MYLK: variants seen among roughly 807,000 people sequenced by gnomAD.
MYLK encodes the protein myosin light chain kinase, smooth muscle.
MYLK carries 106 observed loss-of-function variants against 203.4 expected under a neutral mutation model. That is an observed-to-expected ratio of 0.52 (90% CI 0.45 to 0.61). MYLK has a LOEUF of 0.61. MYLK is among the 20% of genes least tolerant of loss of function. The pLI, the probability that MYLK is intolerant of heterozygous loss-of-function variation, is 0.00. For synonymous variants in MYLK, 867 were observed against 959.5 expected, an observed-to-expected ratio of 0.90 and a Z score of 1.78; for missense variants, 2,072 against 2,442.3, an observed-to-expected ratio of 0.85 and a Z score of 3.20.
In MYLK at chr3:123,828,025, A is replaced by G. The variant is rs188930018; in HGVS notation, c.-4+3523T>C. Among the ~76,000 whole-genome samples, 195 of 152,054 alleles carry G rather than the reference A, an allele frequency of 1.3e-3. 1 individual carries two copies. The highest frequency in any genetic ancestry group is 1.9e-3 in the Non-Finnish European group (128 of 67,938). ...GTGGAAACGCATCCTATGCCCATGG[A>G]TCAGAAGAATTAATATTGTTAAAAT... On this transcript the variant is annotated intron_variant, in intron 3 of 33. Coordinates refer to ENST00000360304, the MANE Select transcript of MYLK (RefSeq NM_053025.4).
In MYLK at chr3:123,708,752, C is replaced by G; in HGVS notation, c.2086G>C (p.Glu696Gln). The G allele has an allele frequency of 6.2e-7, 1 of 1,614,180 alleles. No individual in the cohort carries two copies. Among genetic ancestry groups the G allele is most frequent in the Non-Finnish European group, 8.5e-7 (1 of 1,180,042 alleles). Reference protein sequence around the residue: ...FPEDTGTYTCEAWNSAGEVRT... With the variant: ...FPEDTGTYTCQAWNSAGEVRT... ...ACCTCTCCAGCGCTGTTCCAGGCCT[C>G]GCAGGTGTACGTGCCCGTGTCCTCC... The change falls in exon 15 of 34, where the codon GAG (glutamate) becomes CAG (glutamine). Residue 696 changes from glutamate to glutamine, a missense_variant. By Grantham distance (29) the Glu-to-Gln change is conservative (BLOSUM62 2). Transcript: ENST00000360304.
In MYLK at chr3:123,848,682, C is replaced by T. The variant is rs78393301; in HGVS notation, c.-126-17012G>A. Reference sequence around the variant, plus strand: ...ATGCCTTTTTCAAAACCTGTCCTTTCTCCATCATGCTTGGAATGTGAATGC... The same window carrying T: ...ATGCCTTTTTCAAAACCTGTCCTTTTTCCATCATGCTTGGAATGTGAATGC... On this transcript the variant is annotated intron_variant, in intron 2 of 33. Transcript: ENST00000360304. Among the ~76,000 whole-genome samples the T allele has an allele frequency of 6.6e-3, 1,000 of 152,236 alleles. 9 individuals carry two copies. Among genetic ancestry groups the T allele is most frequent in the African/African-American group, 0.02 (846 of 41,574 alleles).
At chr3:123,635,806 A>T (rs2108067754) in intron 29 of MYLK, among the ~76,000 whole-genome samples, 1 of 152,324 alleles carries the variant, frequency 6.6e-6, no homozygotes, top group East Asian at 1.9e-4. Flanking sequence ...GTGAACCAGA[A>T]TGCTTCCAAT....
chr3:123,728,629 T>C (rs1027689186), intron 11 of MYLK, among the ~76,000 whole-genome samples: 1 of 152,104 alleles, frequency 6.6e-6, no homozygotes, highest in South Asian at 2.1e-4. Flanking sequence ...TAGCTGAATC[T>C]TGGTAAGAAC....
At chr3:123,630,356 A>C (rs577391053) in intron 29 of MYLK, 1 of 152,316 alleles carries the variant, frequency 6.6e-6, no homozygotes, top group African/African-American at 2.4e-5. Flanking sequence ...CTTCATCCTC[A>C]TCATCATCAT....
chr3:123,774,859 C>T (rs2064011073), intron 4 of MYLK, among the ~76,000 whole-genome samples: 1 of 152,102 alleles, frequency 6.6e-6, no homozygotes, highest in Admixed American at 6.6e-5. Context: ...AGCATAGGGT[C>T]TTGTTCACTA....
chr3:123,620,386 C>A (rs755343047), intron 31 of MYLK, 50 bp from the exon 32 acceptor site: 3 of 1,612,678 alleles, frequency 1.9e-6, no homozygotes, highest in Non-Finnish European at 1.7e-6. Flanking sequence ...CTGGTTCCAG[C>A]TGGGTAGTGC....
chr3:123,858,332 T>A (rs2031593619), intron 2 of MYLK, among the ~76,000 whole-genome samples: 2 of 152,178 alleles, frequency 1.3e-5, no homozygotes, highest in African/African-American at 4.8e-5. Context: ...TTCTAACCTT[T>A]CACCCATTCC....
intron 4 of MYLK, among the ~76,000 whole-genome samples, chr3:123,780,558 G>C (rs2064256243): frequency 6.6e-6 from 1 of 152,238 alleles, no homozygotes; most frequent in Non-Finnish European, 1.5e-5. Context: ...CTACAGCCCA[G>C]AGGGCAGACT....
intron 2 of MYLK, among the ~76,000 whole-genome samples, chr3:123,856,283 TAAC>T (rs1169482165): frequency 6.6e-6 from 1 of 152,184 alleles, no homozygotes; most frequent in Non-Finnish European, 1.5e-5. Context: ...TTTTCCTCTG[TAAC>T]ACACCACTAC....
At chr3:123,709,053 CT>C in intron 14 of MYLK, 158 bp from the exon 15 acceptor site, 1 of 628,442 alleles carries the variant, frequency 1.6e-6, no homozygotes, top group South Asian at 2.2e-5. Flanking sequence ...CAGGATCTAC[CT>C]CATGGGTTTG....
chr3:123,799,191 C>T (rs1015074637), intron 3 of MYLK, among the ~76,000 whole-genome samples: 4 of 148,798 alleles, frequency 2.7e-5, no homozygotes, highest in Non-Finnish European at 6.0e-5. Context: ...TTACCCCTCA[C>T]CCCTCACCCC....
intron 13 of MYLK, among the ~76,000 whole-genome samples, chr3:123,717,385 T>C (rs1461451979): frequency 6.6e-6 from 1 of 152,264 alleles, no homozygotes; most frequent in Non-Finnish European, 1.5e-5. Context: ...CTAATAAATA[T>C]GCTTGTTATA....
At chr3:123,771,490 C>A (rs543261260) in intron 4 of MYLK, among the ~76,000 whole-genome samples, 7 of 152,276 alleles carry the variant, frequency 4.6e-5, no homozygotes, top group Non-Finnish European at 8.8e-5. Flanking sequence ...GTAATACAAT[C>A]ATTTCTCCTT....
intron 3 of MYLK, among the ~76,000 whole-genome samples, chr3:123,795,716 T>G (rs1456128): frequency 0.93 from 141,925 of 152,226 alleles, 66,895 homozygotes; most frequent in East Asian, 1. Context: ...CTGACGATCA[T>G]TTCTTACCAC....
At chr3:123,793,234 G>T (rs982211652) in intron 4 of MYLK, among the ~76,000 whole-genome samples, 1 of 152,094 alleles carries the variant, frequency 6.6e-6, no homozygotes. Context: ...TCACTGCTCC[G>T]GGTATACCAA....
In MYLK at chr3:123,647,126, T is replaced by G; in HGVS notation, c.4619+98A>C. ...CATATCACACTCCTGTCTGCAGTGC[T>G]TTCCATCTTGGGGCAGAGGTGGCTG... On this transcript the variant is annotated intron_variant, in intron 27 of 33. Transcript: ENST00000360304. The G allele has an allele frequency of 3.6e-6, 4 of 1,122,320 alleles. No individual in the cohort carries two copies. The South Asian group carries it at 5.2e-5, about 14-fold the overall frequency. 69.5% of individuals were successfully genotyped at this position (1,122,320 alleles called of 1,614,324 possible). A position where few individuals can be genotyped will look rare whatever the true frequency, so the allele number is the denominator to read the frequency against.
chr3:123,631,754 C>A (rs541441727), intron 29 of MYLK, among the ~76,000 whole-genome samples: 1 of 151,976 alleles, frequency 6.6e-6, no homozygotes, highest in African/African-American at 2.4e-5. Flanking sequence ...TTTAAGAAGG[C>A]AAAGAGAATC....
chr3:123,770,156 CA>C (rs59411359), intron 4 of MYLK, among the ~76,000 whole-genome samples: 6,806 of 83,888 alleles, frequency 0.081, 247 homozygotes, highest in South Asian at 0.16. Context: ...ACTAAAAATA[CA>C]AAAAAAAAAA....
Sources: allele counts gnomAD v4.1 joint callset (sites outside exome capture counted in the v4.1 genomes callset), GRCh38; gene constraint gnomAD v4.1.1; transcripts MANE v1.5; gene names NCBI Gene and HGNC (gene_info 2026-07-23, HGNC 2026-07-21).